VWA3B: variants seen among roughly 807,000 people sequenced by gnomAD.
The protein encoded by VWA3B is von Willebrand factor A domain-containing protein 3B.
VWA3B carries 138 observed loss-of-function variants against 158.3 expected under a neutral mutation model. The ratio of observed to expected loss-of-function variants is 0.87; its 90% CI spans 0.76 to 1.00. The LOEUF is 1.00. Ranked by LOEUF, VWA3B falls within the 50% of genes least tolerant of loss-of-function variation. The pLI is 0.00. For missense variants in VWA3B, 1,555 were observed against 1,565.1 expected (o/e 0.99, Z 0.11); for synonymous variants, 596 against 587.3 (o/e 1.01, Z -0.21).
At chr2:98,129,253 G>GTGTA (rs1675645404) in intron 6 of VWA3B, among the ~76,000 whole-genome samples, 1 of 151,054 alleles carries the variant, frequency 6.6e-6, no homozygotes. Flanking sequence ...GTGTGTGTGT[G>GTGTA]TGTGTGGAGA....
intron 14 of VWA3B, among the ~76,000 whole-genome samples, chr2:98,222,264 C>T: frequency 6.6e-6 from 1 of 152,234 alleles, no homozygotes; most frequent in Non-Finnish European, 1.5e-5. Flanking sequence ...AACTCTTAAT[C>T]CCACCACTCT....
At chr2:98,303,672 G>T in intron 25 of VWA3B, 30 bp from the exon 26 acceptor site, 3 of 1,597,384 alleles carry the variant, frequency 1.9e-6, no homozygotes, top group Non-Finnish European at 2.6e-6. Flanking sequence ...TCTGATTTAA[G>T]TTGAGTGAAC....
At chr2:98,302,152 G>A (rs1011411234) in intron 25 of VWA3B, among the ~76,000 whole-genome samples, 19 of 151,820 alleles carry the variant, frequency 1.3e-4, no homozygotes, top group African/African-American at 2.9e-4. Flanking sequence ...TCCTGAATGC[G>A]GTGGGCTTTT....
intron 21 of VWA3B, among the ~76,000 whole-genome samples, chr2:98,260,395 TA>T (rs1250280743): frequency 6.6e-6 from 1 of 151,068 alleles, no homozygotes; most frequent in African/African-American, 2.4e-5. Flanking sequence ...CAACCATGCA[TA>T]AAAAATATTA....
intron 7 of VWA3B, among the ~76,000 whole-genome samples, chr2:98,152,106 G>T (rs945840432): frequency 6.6e-6 from 1 of 152,222 alleles, no homozygotes; most frequent in African/African-American, 2.4e-5. Flanking sequence ...GATCCTAGGA[G>T]TAGGCCGCAG....
intron 5 of VWA3B, among the ~76,000 whole-genome samples, chr2:98,122,744 G>A (rs1675063765): frequency 6.6e-6 from 1 of 152,178 alleles, no homozygotes; most frequent in African/African-American, 2.4e-5. Context: ...ATCCGCCAGT[G>A]ACCCTGTCTT....
chr2:98,173,665 G>T (rs6728277), intron 8 of VWA3B, among the ~76,000 whole-genome samples: 17,608 of 152,178 alleles, frequency 0.12, 1,877 homozygotes, highest in African/African-American at 0.28. Flanking sequence ...AAATCATGTT[G>T]TTAAAAAATG....
chr2:98,243,194 T>G (rs1192950090), intron 19 of VWA3B, among the ~76,000 whole-genome samples: 4 of 152,144 alleles, frequency 2.6e-5, no homozygotes, highest in African/African-American at 9.7e-5. Context: ...CACCTATCCA[T>G]GAACATTGTT....
At chr2:98,250,282 A>T in intron 19 of VWA3B, 36 bp from the exon 20 acceptor site, 1 of 1,555,328 alleles carries the variant, frequency 6.4e-7, no homozygotes, top group Non-Finnish European at 8.8e-7. Context: ...TAACCTATCA[A>T]GTGACACTTT....
rs1690011164 is a variant in VWA3B at position 98,298,969 on chromosome 2, C to T, written c.3282+938C>T. ...TGGCCTGTGGCCAATCCAAGGCACA[C>T]TCCCTTTCCCTCTGAGCCGGGGTGG... On this transcript the variant is annotated intron_variant, in intron 24 of 27. Coordinates refer to ENST00000477737, the MANE Select transcript of VWA3B (RefSeq NM_144992.5). Among the ~76,000 whole-genome samples, 3 of 152,222 alleles carry T rather than the reference C, an allele frequency of 2.0e-5. No individual in the cohort carries two copies. In the South Asian group the frequency reaches 6.2e-4, roughly 32 times the overall value.
At chr2:98,166,255 T>G (rs1191119687) in intron 8 of VWA3B, among the ~76,000 whole-genome samples, 1 of 152,170 alleles carries the variant, frequency 6.6e-6, no homozygotes, top group Admixed American at 6.5e-5. Flanking sequence ...CAGAATCACT[T>G]GAACCCAGGA....
chr2:98,209,501 C>T (rs1186585389), intron 12 of VWA3B, among the ~76,000 whole-genome samples: 3 of 152,126 alleles, frequency 2.0e-5, no homozygotes, highest in Admixed American at 6.6e-5. Flanking sequence ...AGGATGCTCT[C>T]GATCTCCTGA....
In VWA3B at chr2:98,178,196, G is replaced by A. The variant is rs151296666; in HGVS notation, c.1115-2820G>A. Reference sequence around the variant, plus strand: ...GACTCGGAGCTCTGAGAAGCCTCTGGCTTGAGCTCCCGGAGAAGCGTGAAA... The same window carrying A: ...GACTCGGAGCTCTGAGAAGCCTCTGACTTGAGCTCCCGGAGAAGCGTGAAA... On this transcript the variant is annotated intron_variant, in intron 8 of 27. Coordinates refer to ENST00000477737, the MANE Select transcript of VWA3B (RefSeq NM_144992.5). Among the ~76,000 whole-genome samples, 7 of 152,226 alleles carry A rather than the reference G, an allele frequency of 4.6e-5. No individual in the cohort carries two copies. The East Asian group carries it at 1.4e-3, about 29-fold the overall frequency.
At chr2:98,187,855 G>C (rs1681236992) in intron 9 of VWA3B, 120 bp from the exon 10 acceptor site, 3 of 1,053,686 alleles carry the variant, frequency 2.8e-6, no homozygotes, top group Admixed American at 3.4e-5. Flanking sequence ...ACAAAGGAAT[G>C]ATTGACGGTA....
At chr2:98,186,778 C>T (rs1681101724) in intron 9 of VWA3B, among the ~76,000 whole-genome samples, 1 of 152,122 alleles carries the variant, frequency 6.6e-6, no homozygotes. Context: ...GCCGTCCAGT[C>T]TGCTTTACAG....
Position 98,125,146 on chromosome 2 carries a change from G to C in VWA3B, c.703-3093G>C, listed in dbSNP as rs1398649369. The stretch of plus-strand genomic sequence containing the variant: ...AAGGAGCTCAAAGACACTGGTTAAG[G>C]GAGCAGATTCCCATGAGGATAACTC... On this transcript the variant is annotated intron_variant, in intron 5 of 27. Transcript: ENST00000477737. The surrounding 1 kb of genome is among the most constrained non-coding windows in gnomAD (Gnocchi z 4.1). 6.6e-6 allele frequency among the ~76,000 whole-genome samples: 1 copy of C among 152,172 alleles called. No homozygotes were observed. Among genetic ancestry groups the C allele is most frequent in the Non-Finnish European group, 1.5e-5 (1 of 68,030 alleles).
At chr2:98,265,742 G>T (rs1237043220) in intron 21 of VWA3B, among the ~76,000 whole-genome samples, 13 of 150,106 alleles carry the variant, frequency 8.7e-5, no homozygotes, top group African/African-American at 3.0e-4. Context: ...CGTTCTAACT[G>T]GTGTGAGATG....
chr2:98,177,679 AC>A (rs1245808982), intron 8 of VWA3B, among the ~76,000 whole-genome samples: 5 of 150,480 alleles, frequency 3.3e-5, no homozygotes, highest in Admixed American at 1.3e-4. Context: ...GCTTGCCTGA[AC>A]CCCCTTTTCA....
At chr2:98,120,943 A>AT (rs1489516001) in intron 4 of VWA3B, among the ~76,000 whole-genome samples, 2 of 152,256 alleles carry the variant, frequency 1.3e-5, no homozygotes, top group Non-Finnish European at 2.9e-5. Flanking sequence ...ACTGTGAATT[A>AT]TTATAAATGT....
Sources: gnomAD v4.1 joint callset for allele counts (sites outside exome capture counted in the v4.1 genomes callset) on GRCh38, gnomAD v4.1.1 for gene constraint, Gnocchi (gnomAD v3.1) non-coding constraint, MANE v1.5 for transcripts, NCBI Gene and HGNC (gene_info 2026-07-23, HGNC 2026-07-21) for gene names.